Variants in ACTR10 observed in about 807,000 individuals in gnomAD.
The protein encoded by ACTR10 is actin-related protein 10.
In ACTR10, 43 loss-of-function variants were observed where a neutral mutation model predicts 56.2. The ratio of observed to expected loss-of-function variants is 0.77; its 90% CI spans 0.60 to 0.99. The LOEUF (loss-of-function observed/expected upper bound fraction) is 0.99. Among genes scored for constraint, ACTR10 ranks in the 50% least tolerant of loss-of-function variants. The pLI is 0.00. For missense variants in ACTR10, 466 were observed against 507.8 expected (o/e 0.92, Z 0.79); for synonymous variants, 170 against 176.3 (o/e 0.96, Z 0.28).
intron 2 of ACTR10, among the ~76,000 whole-genome samples, chr14:58,205,037 A>G (rs995126386): frequency 6.6e-6 from 1 of 151,958 alleles, no homozygotes; most frequent in Non-Finnish European, 1.5e-5. Flanking sequence ...CCTAACCAAC[A>G]AGGAGAAACC....
chr14:58,219,895 T>TC (rs554064777), intron 8 of ACTR10, among the ~76,000 whole-genome samples, 166 bp downstream of exon 8: 181 of 152,270 alleles, frequency 1.2e-3, no homozygotes, highest in African/African-American at 3.6e-3. Flanking sequence ...CACTTTTTTT[T>TC]CACACTTAGG....
At chr14:58,225,068 C>G (rs186220073) in intron 10 of ACTR10, among the ~76,000 whole-genome samples, 1 of 151,734 alleles carries the variant, frequency 6.6e-6, no homozygotes, top group African/African-American at 2.4e-5. Context: ...AGTTGGAATA[C>G]AAAATTAGCC....
chr14:58,234,551 G>A lies in ACTR10; in HGVS notation c.1254G>A (p.Ter418=). 6.2e-7 allele frequency: 1 copy of A among 1,601,548 alleles called. No individual in the cohort carries two copies. Among genetic ancestry groups the A allele is most frequent in the Non-Finnish European group, 8.5e-7 (1 of 1,173,912 alleles). ...AGAGAGCATTTTCCACTGAGAAATAGAAGTTTGATTAAAAATCAACCTTGC... is the reference window on the plus strand; with the variant it reads ...AGAGAGCATTTTCCACTGAGAAATAAAAGTTTGATTAAAAATCAACCTTGC... ...LMKRAFSTEK[*] is the part of the protein sequence containing the mutation. Residue 418 remains the stop codon, a stop_retained_variant, in exon 13 of 13, where the codon TAG becomes TAA. Transcript: ENST00000254286.
At chr14:58,213,809 T>C in intron 6 of ACTR10, 111 bp downstream of exon 6, 1 of 724,766 alleles carries the variant, frequency 1.4e-6, no homozygotes, top group Non-Finnish European at 2.2e-6. Context: ...ACAGTGAATT[T>C]TATTCATTCC....
chr14:58,223,717 A>T lies in ACTR10; in HGVS notation c.714+16A>T. 6 of 1,606,748 alleles carry T rather than the reference A, an allele frequency of 3.7e-6. No homozygotes were observed. Among genetic ancestry groups the T allele is most frequent in the Non-Finnish European group, 5.1e-6 (6 of 1,177,668 alleles). ...GAATAATGAGGTAAGTTTAAAAAAA[A>T]AAAAGGCATCTTTTTGCAAAGGTTA... On this transcript the variant is annotated intron_variant, in intron 9 of 12. Transcript: ENST00000254286.
At chr14:58,203,598 C>A (rs925486650) in intron 2 of ACTR10, among the ~76,000 whole-genome samples, 9 of 152,006 alleles carry the variant, frequency 5.9e-5, no homozygotes, top group Non-Finnish European at 1.3e-4. Flanking sequence ...TAAATGGAAT[C>A]ATATATCAAG....
chr14:58,201,926 C>T (rs1888715401), intron 1 of ACTR10, among the ~76,000 whole-genome samples: 1 of 148,776 alleles, frequency 6.7e-6, no homozygotes, highest in Non-Finnish European at 1.5e-5. Flanking sequence ...TCGCTTGAGC[C>T]TGGGAAGCGG....
At chr14:58,232,690 A>C (rs901356843) in intron 12 of ACTR10, among the ~76,000 whole-genome samples, 1 of 152,024 alleles carries the variant, frequency 6.6e-6, no homozygotes, top group Non-Finnish European at 1.5e-5. Context: ...CTGGGATTAC[A>C]GGCATGAACC....
At chr14:58,215,705 C>A (rs898109628) in intron 7 of ACTR10, among the ~76,000 whole-genome samples, 1 of 152,084 alleles carries the variant, frequency 6.6e-6, no homozygotes, top group African/African-American at 2.4e-5. Flanking sequence ...ACTTCTACAT[C>A]TGCATGCTGT....
At chr14:58,205,743 C>T (rs554133221) in intron 2 of ACTR10, among the ~76,000 whole-genome samples, 13 of 151,992 alleles carry the variant, frequency 8.6e-5, no homozygotes, top group Admixed American at 3.9e-4. Flanking sequence ...TGATGGAAGC[C>T]GGGTGTGGTC....
chr14:58,215,088 A>G, intron 6 of ACTR10, 117 bp from the exon 7 acceptor site: 1 of 574,844 alleles, frequency 1.7e-6, no homozygotes, highest in Non-Finnish European at 2.9e-6. Context: ...CCTGGGCAAC[A>G]GAGTAAGACT....
chr14:58,202,728 A>T (rs568949109), intron 1 of ACTR10, 127 bp from the exon 2 acceptor site: 2 of 617,126 alleles, frequency 3.2e-6, no homozygotes, highest in African/African-American at 3.8e-5. Context: ...TGATCCCTTA[A>T]AATACATCAG....
At chr14:58,202,065 G>A (rs1888722158) in intron 1 of ACTR10, among the ~76,000 whole-genome samples, 1 of 151,324 alleles carries the variant, frequency 6.6e-6, no homozygotes, top group Non-Finnish European at 1.5e-5. Flanking sequence ...GAAGCTTACT[G>A]TATGAGTTAA....
intron 1 of ACTR10, 45 bp downstream of exon 1, chr14:58,200,339 G>A (rs983349594): frequency 3.5e-6 from 5 of 1,443,124 alleles, no homozygotes; most frequent in Non-Finnish European, 4.6e-6. Flanking sequence ...AGGGGAGGGC[G>A]GGTGGCAGAG....
chr14:58,232,404 C>CTT (rs5808963), intron 12 of ACTR10, 137 bp downstream of exon 12: 7,494 of 135,554 alleles, frequency 0.055, 1,274 homozygotes, highest in African/African-American at 0.13. Context: ...CTGACTTTTT[C>CTT]TTTTTTTTTT....
intron 1 of ACTR10, among the ~76,000 whole-genome samples, chr14:58,200,912 A>G (rs1011551020): frequency 4.6e-5 from 7 of 152,224 alleles, no homozygotes; most frequent in Non-Finnish European, 1.0e-4. Context: ...TTCGGATGGC[A>G]TAGATCTCTT....
At chr14:58,215,023 A>G (rs1353347246) in intron 6 of ACTR10, among the ~76,000 whole-genome samples, 182 bp from the exon 7 acceptor site, 1 of 151,754 alleles carries the variant, frequency 6.6e-6, no homozygotes, top group Non-Finnish European at 1.5e-5. Context: ...GGAGAATCAC[A>G]TGAACCTAGG....
At chr14:58,216,864 A>G (rs1474472433) in intron 7 of ACTR10, among the ~76,000 whole-genome samples, 1 of 152,172 alleles carries the variant, frequency 6.6e-6, no homozygotes, top group Non-Finnish European at 1.5e-5. Flanking sequence ...CTCTTAACTC[A>G]CTTGTTTCCC....
chr14:58,234,597 A>G lies in ACTR10; in HGVS notation c.*46A>G. ...CTTGCTTCATATCAAATATTTAACC[A>G]ATTATAAGCAAATTGTACAAAGTAT... On this transcript the variant is annotated 3_prime_UTR_variant, in exon 13 of 13. Coordinates refer to ENST00000254286, the MANE Select transcript of ACTR10 (RefSeq NM_018477.3). 1 of 1,548,642 alleles carries G rather than the reference A, an allele frequency of 6.5e-7. No individual in the cohort carries two copies. The highest frequency in any genetic ancestry group is 1.4e-5 in the African/African-American group (1 of 73,248).
Sources: gnomAD v4.1 joint callset for allele counts (sites outside exome capture counted in the v4.1 genomes callset) on GRCh38, gnomAD v4.1.1 for gene constraint, MANE v1.5 for transcripts, NCBI Gene and HGNC (gene_info 2026-07-23, HGNC 2026-07-21) for gene names.